The following CCDC66 variants were observed in gnomAD, a reference collection of about 807,000 sequenced individuals.
CCDC66 encodes the protein coiled-coil domain-containing protein 66.
Under a neutral mutation model 128.3 loss-of-function variants are expected in CCDC66, and 133 were observed. That is an observed-to-expected ratio of 1.04 (90% confidence interval 0.90 to 1.20). The LOEUF (loss-of-function observed/expected upper bound fraction) is 1.20. CCDC66 is among the 50% of genes most tolerant of loss of function. The pLI is 0.00. For missense variants in CCDC66, 1,126 were observed against 1,075.5 expected, an observed-to-expected ratio of 1.05 and a Z score of -0.66; for synonymous variants, 387 against 357.0, an observed-to-expected ratio of 1.08 and a Z score of -0.95.
At chr3:56,618,952 TCACGCCTGTAATCCCAG>T (rs2075939497) in intron 15 of CCDC66, 1 of 229,346 alleles carries the variant, frequency 4.4e-6, no homozygotes, top group African/African-American at 2.3e-5. Context: ...GGCATGTGGC[TCACGCCTGTAATCCCAG>T]CACTTTGGGA....
intron 7 of CCDC66, among the ~76,000 whole-genome samples, chr3:56,588,022 A>G (rs1405053133): frequency 2.6e-5 from 4 of 152,256 alleles, no homozygotes; most frequent in African/African-American, 7.2e-5. Flanking sequence ...TCACAATTCA[A>G]AAAATATGGA....
At chr3:56,607,279 G>A (rs987934264) in intron 10 of CCDC66, among the ~76,000 whole-genome samples, 2 of 152,136 alleles carry the variant, frequency 1.3e-5, no homozygotes, top group African/African-American at 4.8e-5. Flanking sequence ...CATGAGCATG[G>A]GATGTGTTTC....
chr3:56,591,025 C>T (rs1249943326), intron 7 of CCDC66, among the ~76,000 whole-genome samples: 1 of 152,194 alleles, frequency 6.6e-6, no homozygotes, highest in Non-Finnish European at 1.5e-5. Flanking sequence ...AAAAGGAATG[C>T]AGTTCTACCT....
chr3:56,613,753 A>T lies in CCDC66; in HGVS notation c.1566+3A>T. 1 of 1,601,192 alleles carries T rather than the reference A, an allele frequency of 6.2e-7. No individual in the cohort carries two copies. The highest frequency in any genetic ancestry group is 1.1e-5 in the South Asian group (1 of 88,634). On this transcript the variant is annotated splice_donor_region_variant and intron_variant, in intron 11 of 17. Coordinates refer to ENST00000394672, the MANE Select transcript of CCDC66 (RefSeq NM_001141947.3). Reference sequence around the variant, plus strand: ...TACTTAAGCAAAAACAAAAGGAAGTAGGTACTTACATTCTAATTGTAACTT... The same window carrying T: ...TACTTAAGCAAAAACAAAAGGAAGTTGGTACTTACATTCTAATTGTAACTT...
intron 17 of CCDC66, chr3:56,620,940 CAGG>C (rs2076420497): frequency 6.6e-6 from 1 of 152,326 alleles, no homozygotes; most frequent in South Asian, 2.1e-4. Context: ...ATCATGAGGT[CAGG>C]AGATCAAGAC....
chr3:56,559,596 T>C lies in CCDC66; in HGVS notation c.102+2T>C. ...CATAAATCAAAAATTTCTGTGAAGG[T>C]AAGCCGTATAACTTTGACCTGACCT... On this transcript the variant is annotated splice_donor_variant, in intron 3 of 17. Coordinates refer to ENST00000394672, the MANE Select transcript of CCDC66 (RefSeq NM_001141947.3). LOFTEE classifies it high-confidence loss of function. The C allele has an allele frequency of 6.5e-7, 1 of 1,534,250 alleles. No individual in the cohort carries two copies. Among genetic ancestry groups the C allele is most frequent in the Non-Finnish European group, 8.8e-7 (1 of 1,139,104 alleles).
In CCDC66 at chr3:56,567,035, C is replaced by G; in HGVS notation, c.796C>G (p.Gln266Glu). 1.2e-6 allele frequency: 2 copies of G among 1,613,486 alleles called. No individual in the cohort carries two copies. Among genetic ancestry groups the G allele is most frequent in the Non-Finnish European group, 1.7e-6 (2 of 1,179,454 alleles). ...AAGTTCGTTGGAAGCAAAAAAAGCC[C>G]AGTGGAGGAAAGAGCTAGGTAGGTA... ...DRSSLEAKKAQWRKELDEQVA... is the reference protein window; with the variant it reads ...DRSSLEAKKAEWRKELDEQVA... Residue 266 changes from glutamine to glutamate, a missense_variant, in exon 6 of 18, where the codon CAG (glutamine) becomes GAG (glutamate). Gln to Glu is a conservative substitution (Grantham distance 29). Coordinates refer to ENST00000394672, the MANE Select transcript of CCDC66 (RefSeq NM_001141947.3).
Position 56,616,023 on chromosome 3 carries a change from A to ACTT in CCDC66, c.1816_1818dup (p.Ser606dup), listed in dbSNP as rs56302802. 0.37 allele frequency: 588,181 copies of ACTT among 1,579,390 alleles called. 113,320 individuals carry two copies. The highest frequency in any genetic ancestry group is 0.61 in the East Asian group (26,156 of 42,620). On this transcript the variant is annotated inframe_insertion, in exon 13 of 18. Coordinates refer to ENST00000394672, the MANE Select transcript of CCDC66 (RefSeq NM_001141947.3). ...AATGAATACATATATGAATTCTACG[A>ACTT]CTTCTAAGAAGGATACTGGTGTGCA...
At chr3:56,578,674 T>G (rs1432851662) in intron 7 of CCDC66, among the ~76,000 whole-genome samples, 1 of 151,890 alleles carries the variant, frequency 6.6e-6, no homozygotes, top group Non-Finnish European at 1.5e-5. Flanking sequence ...AATCATGTGG[T>G]TTTTGTCATT....
chr3:56,568,734 CATT>C lies in CCDC66; in HGVS notation c.814+1682_814+1684del, dbSNP rs140296165. Among the ~76,000 whole-genome samples the C allele has an allele frequency of 3.4e-3, 516 of 152,312 alleles. 1 individual carries two copies. The highest frequency in any genetic ancestry group is 0.011 in the African/African-American group (460 of 41,576). On this transcript the variant is annotated intron_variant, in intron 6 of 17. Coordinates refer to ENST00000394672, the MANE Select transcript of CCDC66 (RefSeq NM_001141947.3). ...CCAAAACATTCTAATGAAGAAGAAT[CATT>C]GTTGTATCAGACAGTATGTATTCTA...
At chr3:56,574,189 C>T (rs2067051583) in intron 7 of CCDC66, among the ~76,000 whole-genome samples, 1 of 151,380 alleles carries the variant, frequency 6.6e-6, no homozygotes. Context: ...TGGTGAAACC[C>T]CATCTCTGCT....
At chr3:56,560,309 G>C (rs2064924826) in intron 3 of CCDC66, among the ~76,000 whole-genome samples, 1 of 152,192 alleles carries the variant, frequency 6.6e-6, no homozygotes, top group Non-Finnish European at 1.5e-5. Context: ...CATGGCTGCA[G>C]ATCTTCCTCC....
chr3:56,566,768 C>T lies in CCDC66; in HGVS notation c.710+9C>T, dbSNP rs1432224432. 1.9e-6 allele frequency: 3 copies of T among 1,605,152 alleles called. No individual in the cohort carries two copies. The highest frequency in any genetic ancestry group is 2.6e-6 in the Non-Finnish European group (3 of 1,175,386). On this transcript the variant is annotated intron_variant, in intron 5 of 17. Coordinates refer to ENST00000394672, the MANE Select transcript of CCDC66 (RefSeq NM_001141947.3). ...GAGCAAAAAATTGCCATGTATGTAA[C>T]TCCTATCTGTTGTTATTGTGTGGTC... is the stretch of plus-strand genomic sequence containing the variant.
chr3:56,597,777 G>GTTTTTTTTTTTTTT lies in CCDC66; in HGVS notation c.1404+3751_1404+3764dup, dbSNP rs3064563. Reference sequence around the variant, plus strand: ...TGTGGAGTCTAGGTTTTGTTTTGGGGTTTTTTTTTTTTTTTGAGACAGAGC... The same window carrying GTTTTTTTTTTTTTT: ...TGTGGAGTCTAGGTTTTGTTTTGGGGTTTTTTTTTTTTTTTTTTTTTTTTTTTTTGAGACAGAGC... On this transcript the variant is annotated intron_variant, in intron 10 of 17. Coordinates refer to ENST00000394672, the MANE Select transcript of CCDC66 (RefSeq NM_001141947.3). Among the ~76,000 whole-genome samples the GTTTTTTTTTTTTTT allele has an allele frequency of 2.6e-4, 23 of 87,958 alleles. 3 individuals are homozygous for GTTTTTTTTTTTTTT. In the East Asian group the frequency reaches 4.3e-3, roughly 16 times the overall value. 57.7% of individuals were successfully genotyped at this position (87,958 alleles called of 152,430 possible). A position where few individuals can be genotyped will look rare whatever the true frequency, so the allele number is the denominator to read the frequency against.
At chr3:56,572,645 T>C (rs2066802785) in intron 7 of CCDC66, 1 of 194,842 alleles carries the variant, frequency 5.1e-6, no homozygotes, top group East Asian at 1.6e-4. Context: ...CCTGAAGGGA[T>C]GATTCTCCTA....
Position 56,617,300 on chromosome 3 carries a change from A to T in CCDC66, c.2032A>T (p.Asn678Tyr). 6.2e-7 allele frequency: 1 copy of T among 1,613,522 alleles called. No homozygotes were observed. Among genetic ancestry groups the T allele is most frequent in the South Asian group, 1.1e-5 (1 of 90,886 alleles). ...CTTAGAAAAAGAAAACAATCGGTGT[A>T]ATGACCAGTGTAATCAGTTCACAAG... The part of the protein sequence containing the change: ...ASLEKENNRC[N>Y]DQCNQFTRIE... Residue 678 changes from asparagine (N) to tyrosine (Y), a missense_variant, in exon 14 of 18, where the codon AAT becomes TAT. By Grantham distance (143) the Asn-to-Tyr change is moderately radical. Transcript: ENST00000394672.
rs577863048 is a variant in CCDC66 at position 56,580,455 on chromosome 3, A to G, written c.936+9153A>G. 7.1e-4 allele frequency among the ~76,000 whole-genome samples: 108 copies of G among 151,824 alleles called. 1 individual carries two copies. The highest frequency in any genetic ancestry group is 2.2e-3 in the Admixed American group (34 of 15,118). ...GTGTGAATTTGATCCTGTCATTATG[A>G]TGTTAGCTGGTTATTTTGCTCATTA... On this transcript the variant is annotated intron_variant, in intron 7 of 17. Coordinates refer to ENST00000394672, the MANE Select transcript of CCDC66 (RefSeq NM_001141947.3).
At chr3:56,611,121 C>T (rs1169380784) in intron 10 of CCDC66, among the ~76,000 whole-genome samples, 1 of 151,850 alleles carries the variant, frequency 6.6e-6, no homozygotes, top group Non-Finnish European at 1.5e-5. Flanking sequence ...TGGTGAGGGC[C>T]CTAGAACTCT....
At chr3:56,582,582 A>G (rs1559661822) in intron 7 of CCDC66, among the ~76,000 whole-genome samples, 1 of 151,810 alleles carries the variant, frequency 6.6e-6, no homozygotes, top group Non-Finnish European at 1.5e-5. Context: ...ATTGGTATAT[A>G]GATTAGTATG....
Sources: gnomAD v4.1 joint callset for allele counts (sites outside exome capture counted in the v4.1 genomes callset) on GRCh38, gnomAD v4.1.1 for gene constraint, MANE v1.5 for transcripts, NCBI Gene and HGNC (gene_info 2026-07-23, HGNC 2026-07-21) for gene names.